The following WASL variants were observed in gnomAD, a reference collection of about 807,000 sequenced individuals.
The protein encoded by WASL is actin nucleation-promoting factor WASL.
WASL carries 20 observed loss-of-function variants against 55.5 expected under a neutral mutation model. The ratio of observed to expected loss-of-function variants is 0.36; its 90% CI spans 0.25 to 0.52. The LOEUF is 0.52. Among genes scored for constraint, WASL ranks in the 20% least tolerant of loss-of-function variants. WASL has a pLI of 0.92. For missense variants in WASL, 504 were observed against 622.5 expected (o/e 0.81, Z 2.03); for synonymous variants, 249 against 217.6 (o/e 1.14, Z -1.27).
intron 1 of WASL, among the ~76,000 whole-genome samples, chr7:123,718,521 G>A (rs185446611): frequency 5.3e-4 from 81 of 152,242 alleles, no homozygotes; most frequent in Non-Finnish European, 8.2e-4. Flanking sequence ...TATCTGGAAG[G>A]AGGAGAGTCT....
chr7:123,732,484 C>T (rs1038924942), intron 1 of WASL, among the ~76,000 whole-genome samples: 9 of 152,234 alleles, frequency 5.9e-5, no homozygotes, highest in East Asian at 1.9e-4. Context: ...TGGAAAGACA[C>T]GATCTATCAA....
chr7:123,695,305 A>G (rs1361576962), intron 7 of WASL, among the ~76,000 whole-genome samples: 2 of 152,182 alleles, frequency 1.3e-5, no homozygotes, highest in African/African-American at 4.8e-5. Context: ...CATTGTAGCT[A>G]TAACAAAAAT....
chr7:123,697,331 A>G (rs1803509883), intron 5 of WASL, among the ~76,000 whole-genome samples: 1 of 152,206 alleles, frequency 6.6e-6, no homozygotes, highest in Middle Eastern at 3.2e-3. Flanking sequence ...TTTAAAACAC[A>G]AAAATTCTTA....
intron 1 of WASL, among the ~76,000 whole-genome samples, chr7:123,735,766 G>C (rs1033767630): frequency 6.6e-6 from 1 of 152,060 alleles, no homozygotes; most frequent in South Asian, 2.1e-4. Context: ...GCAAGGAGGA[G>C]GAGGAAGACG....
chr7:123,748,476 G>C, intron 1 of WASL, 142 bp downstream of exon 1: 4 of 726,526 alleles, frequency 5.5e-6, no homozygotes, highest in Non-Finnish European at 8.1e-6. Context: ...GGGCGCCGAC[G>C]AGGGGCCGGG....
intron 1 of WASL, among the ~76,000 whole-genome samples, chr7:123,714,178 T>C (rs1045761716): frequency 6.6e-6 from 1 of 151,962 alleles, no homozygotes; most frequent in Non-Finnish European, 1.5e-5. Context: ...CAAAACCCAA[T>C]ACAGAAATCA....
At chr7:123,728,778 G>A (rs62472098) in intron 1 of WASL, among the ~76,000 whole-genome samples, 31,015 of 152,078 alleles carry the variant, frequency 0.2, 3,324 homozygotes, top group South Asian at 0.32. Context: ...GGAGTTTGCA[G>A]TGAGCTGAAC....
intron 1 of WASL, among the ~76,000 whole-genome samples, chr7:123,716,582 T>C (rs1279310832): frequency 4.7e-5 from 7 of 150,442 alleles, no homozygotes. Flanking sequence ...CCCCAAGTCC[T>C]GATAACAAGG....
At chr7:123,684,967 C>T (rs939371303) in intron 10 of WASL, among the ~76,000 whole-genome samples, 6 of 151,934 alleles carry the variant, frequency 3.9e-5, no homozygotes, top group African/African-American at 1.4e-4. Flanking sequence ...CCTGCTCCAT[C>T]CTGGTCTGCT....
At chr7:123,704,377 T>G (rs1393502403) in intron 5 of WASL, among the ~76,000 whole-genome samples, 1 of 152,184 alleles carries the variant, frequency 6.6e-6, no homozygotes, top group East Asian at 1.9e-4. Flanking sequence ...CTATGTATTC[T>G]TTCTTCATGT....
chr7:123,693,034 T>A (rs1490656228), intron 8 of WASL, among the ~76,000 whole-genome samples, 167 bp from the exon 9 acceptor site: 1 of 152,046 alleles, frequency 6.6e-6, no homozygotes, highest in East Asian at 1.9e-4. Flanking sequence ...TATCTCACAA[T>A]TTTTTTTGAG....
At chr7:123,727,633 G>C (rs954801920) in intron 1 of WASL, among the ~76,000 whole-genome samples, 6 of 152,138 alleles carry the variant, frequency 3.9e-5, no homozygotes, top group African/African-American at 1.4e-4. Flanking sequence ...GATTGCAAAG[G>C]GTGGACGAAG....
chr7:123,735,491 A>G (rs988382417), intron 1 of WASL, among the ~76,000 whole-genome samples: 1 of 152,046 alleles, frequency 6.6e-6, no homozygotes, highest in Non-Finnish European at 1.5e-5. Context: ...TGTAGTCCAT[A>G]TATTTTAAAA....
At chr7:123,692,945 C>T in intron 8 of WASL, 78 bp from the exon 9 acceptor site, 1 of 1,313,002 alleles carries the variant, frequency 7.6e-7, no homozygotes, top group Non-Finnish European at 9.7e-7. Context: ...TTCATTTTAA[C>T]ATGTATAAAA....
chr7:123,684,943 C>T (rs145372902), intron 10 of WASL, among the ~76,000 whole-genome samples: 44 of 152,006 alleles, frequency 2.9e-4, no homozygotes, highest in African/African-American at 8.4e-4. Context: ...TATTTCCTTC[C>T]CCAATCTTCT....
intron 1 of WASL, among the ~76,000 whole-genome samples, chr7:123,731,367 A>G (rs759483251): frequency 3.3e-5 from 5 of 152,136 alleles, no homozygotes; most frequent in Non-Finnish European, 7.3e-5. Context: ...TATTTTACTT[A>G]GAGACTTCAA....
At chr7:123,685,125 C>G (rs577811363) in intron 10 of WASL, among the ~76,000 whole-genome samples, 2 of 151,908 alleles carry the variant, frequency 1.3e-5, no homozygotes, top group African/African-American at 4.8e-5. Context: ...ACCACCATCA[C>G]ATCCTGCTTG....
At chr7:123,702,299 G>A (rs1448759893) in intron 5 of WASL, among the ~76,000 whole-genome samples, 1 of 151,904 alleles carries the variant, frequency 6.6e-6, no homozygotes, top group East Asian at 1.9e-4. Context: ...CAGGTGATCC[G>A]CCCACCTCAG....
chr7:123,686,179 T>C lies in WASL; in HGVS notation c.1457-1599A>G, dbSNP rs770648044. On this transcript the variant is annotated intron_variant, in intron 10 of 10. Coordinates refer to ENST00000223023, the MANE Select transcript of WASL (RefSeq NM_003941.4). ...TCTTAGCCCTAAACTAAGTTGTTACTTTTAAAACGATAATTATTTATTATT... is the reference window on the plus strand; with the variant it reads ...TCTTAGCCCTAAACTAAGTTGTTACCTTTAAAACGATAATTATTTATTATT... Among the ~76,000 whole-genome samples the C allele has an allele frequency of 1.6e-4, 25 of 151,650 alleles. 1 individual carries two copies. Among genetic ancestry groups the C allele is most frequent in the Non-Finnish European group, 2.8e-4 (19 of 67,852 alleles).
Sources: gnomAD v4.1 joint callset for allele counts (sites outside exome capture counted in the v4.1 genomes callset) on GRCh38, gnomAD v4.1.1 for gene constraint, MANE v1.5 for transcripts, NCBI Gene and HGNC (gene_info 2026-07-23, HGNC 2026-07-21) for gene names.